FCER1A: variants seen among roughly 807,000 people sequenced by gnomAD.
FCER1A encodes high affinity immunoglobulin epsilon receptor subunit alpha.
In FCER1A, 24 loss-of-function variants were observed where a neutral mutation model predicts 23.6. That is an observed-to-expected ratio of 1.02 (90% CI 0.74 to 1.43). The LOEUF (loss-of-function observed/expected upper bound fraction) is 1.43. Ranked by LOEUF, FCER1A falls within the 40% of genes most tolerant of loss-of-function variation. The probability of loss-of-function intolerance (pLI) is 0.00; values close to 1 mark genes in which losing one functional copy is unlikely to be tolerated. For missense variants in FCER1A, 318 were observed against 294.5 expected (o/e 1.08, Z -0.58); for synonymous variants, 121 against 108.8 (o/e 1.11, Z -0.70).
intron 3 of FCER1A, among the ~76,000 whole-genome samples, chr1:159,305,472 G>A (rs1436421601): frequency 6.6e-6 from 1 of 152,056 alleles, no homozygotes; most frequent in African/African-American, 2.4e-5. Flanking sequence ...CTGACTTCTT[G>A]GAGCACAGAG....
chr1:159,304,288 T>G (rs1425064689), intron 3 of FCER1A, 106 bp downstream of exon 3: 2 of 1,085,608 alleles, frequency 1.8e-6, no homozygotes, highest in Non-Finnish European at 2.7e-6. Flanking sequence ...AGAGTGGGAT[T>G]CAAGGCCTCT....
At chr1:159,296,507 G>A (rs1490429349) in intron 1 of FCER1A, among the ~76,000 whole-genome samples, 1 of 152,144 alleles carries the variant, frequency 6.6e-6, no homozygotes, top group Non-Finnish European at 1.5e-5. Flanking sequence ...TCCAGTAAAA[G>A]CCAAGGATAA....
At chr1:159,289,558 T>C (rs1396297696), upstream of FCER1A, among the ~76,000 whole-genome samples, 2 of 152,188 alleles carry the variant, frequency 1.3e-5, no homozygotes, top group Admixed American at 1.3e-4. Flanking sequence ...GGCAGTAGCC[T>C]CCCTTAATGA....
At chr1:159,305,683 A>G (rs1301479362) in intron 3 of FCER1A, among the ~76,000 whole-genome samples, 1 of 152,186 alleles carries the variant, frequency 6.6e-6, no homozygotes, top group African/African-American at 2.4e-5. Flanking sequence ...ACTAACTAGA[A>G]CTAGCAACAG....
At chr1:159,285,773 A>G (rs1476367742), upstream of FCER1A, among the ~76,000 whole-genome samples, 1 of 152,204 alleles carries the variant, frequency 6.6e-6, no homozygotes, top group Non-Finnish European at 1.5e-5. Context: ...TCTGTATTTT[A>G]TCTGGGAACT....
chr1:159,307,757 A>C lies in FCER1A; in HGVS notation c.599A>C (p.Glu200Ala), dbSNP rs761856898. 6.9e-6 allele frequency: 11 copies of C among 1,601,936 alleles called. No homozygotes were observed. The highest frequency in any genetic ancestry group is 9.4e-6 in the Non-Finnish European group (11 of 1,170,666). Residue 200 changes from glutamate (E) to alanine (A), a missense_variant, in exon 5 of 5, where the codon GAG becomes GCG. By Grantham distance (107) the Glu-to-Ala change is moderately radical. Transcript: ENST00000693622. The stretch of plus-strand genomic sequence containing the variant: ...CTGTGTTCCACTACAGCTCCGCGTG[A>C]GAAGTACTGGCTACAATTTTTTATC... The part of the protein sequence containing the change: ...LNITVIKAPR[E>A]KYWLQFFIPL...
chr1:159,295,280 C>T (rs918101403), intron 1 of FCER1A, among the ~76,000 whole-genome samples: 2 of 151,882 alleles, frequency 1.3e-5, no homozygotes, highest in Non-Finnish European at 2.9e-5. Flanking sequence ...TTTTTTTGTC[C>T]ACCTGTCTCT....
chr1:159,296,289 T>C (rs1405616314), intron 1 of FCER1A, among the ~76,000 whole-genome samples: 2 of 152,190 alleles, frequency 1.3e-5, no homozygotes, highest in Admixed American at 6.6e-5. Context: ...CACACACATA[T>C]ATTTTTTAAT....
At chr1:159,292,241 A>C (rs1181445428) in intron 1 of FCER1A, among the ~76,000 whole-genome samples, 4 of 151,808 alleles carry the variant, frequency 2.6e-5, no homozygotes, top group Admixed American at 2.6e-4. Context: ...GTCTCTCAAC[A>C]TTTTTTTTGT....
At chr1:159,303,469 C>G (rs1230397662) in intron 2 of FCER1A, among the ~76,000 whole-genome samples, 5 of 152,128 alleles carry the variant, frequency 3.3e-5, no homozygotes, top group African/African-American at 1.2e-4. Context: ...CATAAATATT[C>G]AGAGCTTGGA....
rs188354096 is a variant in FCER1A at position 159,307,682 on chromosome 1, T to G, written c.590-66T>G. On this transcript the variant is annotated intron_variant, in intron 4 of 4. Coordinates refer to ENST00000693622, the MANE Select transcript of FCER1A (RefSeq NM_001387280.1). ...GTCTTTCTCTTAGGGAGGATGAAAC[T>G]CTGAACCTCATTTTTCAGTTCCCAA... 1.5e-4 allele frequency: 189 copies of G among 1,262,328 alleles called. No individual in the cohort carries two copies. The African/African-American group carries it at 2.5e-3, about 17-fold the overall frequency. The allele number at this position is 1,262,328 out of a possible 1,614,324, so 78.2% of individuals were successfully genotyped here. A position where few individuals can be genotyped will look rare whatever the true frequency, so the allele number is the denominator to read the frequency against.
chr1:159,290,775 C>T (rs561278047), intron 1 of FCER1A, among the ~76,000 whole-genome samples: 1 of 152,276 alleles, frequency 6.6e-6, no homozygotes, highest in African/African-American at 2.4e-5. Context: ...GTTACCTGTG[C>T]TTATATTTTT....
Position 159,307,738 on chromosome 1 carries a change from T to A in FCER1A, c.590-10T>A. On this transcript the variant is annotated splice_polypyrimidine_tract_variant and intron_variant, in intron 4 of 4. Transcript: ENST00000693622. The stretch of plus-strand genomic sequence containing the variant: ...ATTATGTTTCTCATTGCATCTGTGT[T>A]CCACTACAGCTCCGCGTGAGAAGTA... 1 of 1,577,592 alleles carries A rather than the reference T, an allele frequency of 6.3e-7. No individual in the cohort carries two copies. The highest frequency in any genetic ancestry group is 8.7e-7 in the Non-Finnish European group (1 of 1,152,334).
At chr1:159,294,758 G>A (rs986774010) in intron 1 of FCER1A, among the ~76,000 whole-genome samples, 1 of 152,134 alleles carries the variant, frequency 6.6e-6, no homozygotes, top group Non-Finnish European at 1.5e-5. Context: ...GTTAGTTTTA[G>A]TGACAGAAAG....
At chr1:159,294,195 T>A (rs1305619625) in intron 1 of FCER1A, among the ~76,000 whole-genome samples, 3 of 152,164 alleles carry the variant, frequency 2.0e-5, no homozygotes, top group African/African-American at 7.2e-5. Context: ...GAAATACCAT[T>A]TGACCCAGCC....
At chr1:159,299,418 C>T (rs780256468), upstream of FCER1A, among the ~76,000 whole-genome samples, 75 of 152,152 alleles carry the variant, frequency 4.9e-4, no homozygotes, top group Admixed American at 1.9e-3. Flanking sequence ...AGGCACGTCC[C>T]GAAACACAAA....
chr1:159,286,790 C>A (rs1022444294), upstream of FCER1A, among the ~76,000 whole-genome samples: 3 of 152,188 alleles, frequency 2.0e-5, no homozygotes, highest in Non-Finnish European at 4.4e-5. Context: ...AAGCCTCAAT[C>A]TTCTAATTCT....
At position 159,302,343 on chromosome 1, in the gene FCER1A, G is replaced by T. The variant is rs1652455162; in HGVS notation, c.-22G>T. 1 of 1,568,752 alleles carries T rather than the reference G, an allele frequency of 6.4e-7. No individual in the cohort carries two copies. Among genetic ancestry groups the T allele is most frequent in the South Asian group, 1.1e-5 (1 of 90,234 alleles). On this transcript the variant is annotated 5_prime_UTR_variant, in exon 1 of 5. Transcript: ENST00000693622. ...GCCTTAGATCTCTCCAGCACAGTAAGCACCAGGAGTCCATGAAGAAGATGG... is the reference window on the plus strand; with the variant it reads ...GCCTTAGATCTCTCCAGCACAGTAATCACCAGGAGTCCATGAAGAAGATGG...
intron 4 of FCER1A, among the ~76,000 whole-genome samples, chr1:159,306,534 A>G (rs997882442): frequency 1.3e-5 from 2 of 152,034 alleles, no homozygotes; most frequent in Admixed American, 6.5e-5. Flanking sequence ...CTACCCAAGC[A>G]TAACAGATTG....
Sources: allele counts gnomAD v4.1 joint callset (sites outside exome capture counted in the v4.1 genomes callset), GRCh38; gene constraint gnomAD v4.1.1; transcripts MANE v1.5; gene names NCBI Gene and HGNC (gene_info 2026-07-23, HGNC 2026-07-21).